MTUS2: variants seen among roughly 807,000 people sequenced by gnomAD.
MTUS2 encodes the protein microtubule-associated tumor suppressor candidate 2.
A neutral mutation model predicts 114.1 loss-of-function variants in MTUS2; 40 were observed. That is an observed-to-expected ratio of 0.35 (90% confidence interval 0.27 to 0.46). The LOEUF (loss-of-function observed/expected upper bound fraction) is 0.46, where lower values mean the gene tolerates loss of function less well. MTUS2 is among the 20% of genes least tolerant of loss of function. The pLI is 1.00. For synonymous variants in MTUS2, 688 were observed against 672.0 expected (o/e 1.02, Z -0.37); for missense variants, 1,679 against 1,705.4 (o/e 0.98, Z 0.27).
intron 2 of MTUS2, among the ~76,000 whole-genome samples, chr13:29,002,552 TAGC>T (rs1255781463): frequency 3.3e-5 from 5 of 152,230 alleles, no homozygotes; most frequent in Non-Finnish European, 5.9e-5. Context: ...TAACAGTTAA[TAGC>T]AGGGACAGAT....
intron 4 of MTUS2, among the ~76,000 whole-genome samples, chr13:29,095,616 C>T (rs1358169724): frequency 2.0e-5 from 3 of 152,034 alleles, no homozygotes; most frequent in African/African-American, 7.2e-5. Context: ...TGATGTTGCA[C>T]TTAATGATGG....
At chr13:29,032,238 A>C (rs1012399818) in intron 3 of MTUS2, among the ~76,000 whole-genome samples, 1 of 152,232 alleles carries the variant, frequency 6.6e-6, no homozygotes, top group African/African-American at 2.4e-5. Flanking sequence ...ATTACCCAAC[A>C]AAATGACAGG....
At chr13:28,913,750 T>A (rs1288713286) in intron 2 of MTUS2, among the ~76,000 whole-genome samples, 3 of 151,708 alleles carry the variant, frequency 2.0e-5, no homozygotes, top group African/African-American at 7.3e-5. Flanking sequence ...GGTCCTGGGC[T>A]TTTTTTTGGT....
At chr13:29,448,121 C>T (rs1048399218) in intron 9 of MTUS2, among the ~76,000 whole-genome samples, 4 of 152,130 alleles carry the variant, frequency 2.6e-5, no homozygotes, top group Non-Finnish European at 5.9e-5. Context: ...ATCACAGTCA[C>T]ATTGTGACTG....
chr13:29,308,581 A>G (rs1433231561), intron 6 of MTUS2, among the ~76,000 whole-genome samples: 1 of 152,258 alleles, frequency 6.6e-6, no homozygotes, highest in Non-Finnish European at 1.5e-5. Context: ...GAGCTTCTGC[A>G]CGGCAAAAGA....
chr13:29,325,545 AGAAGG>A (rs1566132101), intron 7 of MTUS2, among the ~76,000 whole-genome samples: 5 of 131,754 alleles, frequency 3.8e-5, no homozygotes, highest in East Asian at 2.2e-4. Flanking sequence ...GAAGAAAAGA[AGAAGG>A]AAGAAGAGGA....
At chr13:28,821,820 GA>G (rs1025669698) in intron 1 of MTUS2, among the ~76,000 whole-genome samples, 2 of 152,112 alleles carry the variant, frequency 1.3e-5, no homozygotes, top group African/African-American at 4.8e-5. Flanking sequence ...AACATGGGAA[GA>G]AAAAAATGGT....
chr13:29,255,661 C>T (rs962697961), intron 5 of MTUS2, among the ~76,000 whole-genome samples: 11 of 151,442 alleles, frequency 7.3e-5, no homozygotes, highest in African/African-American at 2.2e-4. Flanking sequence ...TTTGCTGACT[C>T]GACTCACAAC....
At chr13:28,921,070 G>A (rs1300468110) in intron 2 of MTUS2, among the ~76,000 whole-genome samples, 1 of 152,230 alleles carries the variant, frequency 6.6e-6, no homozygotes, top group Non-Finnish European at 1.5e-5. Flanking sequence ...GGTACCTGAG[G>A]TACAAGACAG....
intron 5 of MTUS2, among the ~76,000 whole-genome samples, chr13:29,233,830 G>A (rs538124558): frequency 1.3e-5 from 2 of 152,286 alleles, no homozygotes; most frequent in African/African-American, 4.8e-5. Flanking sequence ...AGCCATTTTA[G>A]TCATTCCCAT....
intron 2 of MTUS2, among the ~76,000 whole-genome samples, chr13:28,958,720 A>G (rs1200847727): frequency 1.3e-5 from 2 of 152,188 alleles, no homozygotes; most frequent in Non-Finnish European, 2.9e-5. Flanking sequence ...ATGACAGCAA[A>G]TGGAAGAGTG....
chr13:29,369,158 G>C (rs1437146163), intron 8 of MTUS2, among the ~76,000 whole-genome samples: 1 of 152,142 alleles, frequency 6.6e-6, no homozygotes, highest in Non-Finnish European at 1.5e-5. Context: ...CCTAGACTTT[G>C]GCAGTTTGGC....
At chr13:29,368,576 C>A (rs1345723068) in intron 8 of MTUS2, among the ~76,000 whole-genome samples, 1 of 152,164 alleles carries the variant, frequency 6.6e-6, no homozygotes, top group Non-Finnish European at 1.5e-5. Context: ...ACATTCAATG[C>A]ATGTATCAAA....
chr13:29,182,600 A>G (rs1249740907), intron 5 of MTUS2, among the ~76,000 whole-genome samples: 2 of 152,218 alleles, frequency 1.3e-5, no homozygotes, highest in Non-Finnish European at 2.9e-5. Flanking sequence ...CTTAGGATAC[A>G]TCAGAGAGAA....
At chr13:29,470,878 A>T (rs958057486) in intron 9 of MTUS2, among the ~76,000 whole-genome samples, 1 of 152,058 alleles carries the variant, frequency 6.6e-6, no homozygotes, top group Non-Finnish European at 1.5e-5. Flanking sequence ...CCCTTTCCCC[A>T]TCTCTCCACA....
intron 5 of MTUS2, among the ~76,000 whole-genome samples, chr13:29,170,410 A>G (rs1893507299): frequency 6.6e-6 from 1 of 152,238 alleles, no homozygotes; most frequent in Non-Finnish European, 1.5e-5. Context: ...TCAGAGTTTC[A>G]TCAACATTAT....
At chr13:28,995,519 T>C (rs1885059801) in intron 2 of MTUS2, among the ~76,000 whole-genome samples, 1 of 152,184 alleles carries the variant, frequency 6.6e-6, no homozygotes, top group South Asian at 2.1e-4. Context: ...ATATTGATTC[T>C]TCCTACCCAT....
chr13:29,029,308 T>C (rs1886708063), intron 3 of MTUS2, among the ~76,000 whole-genome samples: 1 of 152,256 alleles, frequency 6.6e-6, no homozygotes, highest in Non-Finnish European at 1.5e-5. Flanking sequence ...AGTGGCTTCT[T>C]ACTCTGTGCC....
At chr13:29,401,465 GC>G (rs1364297469) in intron 8 of MTUS2, among the ~76,000 whole-genome samples, 3 of 151,984 alleles carry the variant, frequency 2.0e-5, no homozygotes, top group Non-Finnish European at 1.5e-5. Flanking sequence ...TTAGATATTT[GC>G]CTCTGATACA....
Sources: allele counts gnomAD v4.1 joint callset (sites outside exome capture counted in the v4.1 genomes callset), GRCh38; gene constraint gnomAD v4.1.1; transcripts MANE v1.5; gene names NCBI Gene and HGNC (gene_info 2026-07-23, HGNC 2026-07-21).